The following ITGA8 variants were observed in gnomAD, a reference collection of about 807,000 sequenced individuals.
ITGA8 encodes integrin subunit alpha 8.
In ITGA8, 91 loss-of-function variants were observed where a neutral mutation model predicts 142.3. That is an observed-to-expected ratio of 0.64 (90% CI 0.54 to 0.76). The LOEUF (loss-of-function observed/expected upper bound fraction) is 0.76. Among genes scored for constraint, ITGA8 ranks in the 30% least tolerant of loss-of-function variants. The pLI is 0.00. For missense variants in ITGA8, 1,406 were observed against 1,327.7 expected, an observed-to-expected ratio of 1.06 and a Z score of -0.92; for synonymous variants, 505 against 485.2, an observed-to-expected ratio of 1.04 and a Z score of -0.54.
chr10:15,694,301 TATG>T (rs1236198269), intron 2 of ITGA8, among the ~76,000 whole-genome samples: 8 of 91,462 alleles, frequency 8.7e-5, no homozygotes, highest in African/African-American at 1.7e-4. Context: ...ATATCATATA[TATG>T]ATAATATATC....
intron 17 of ITGA8, among the ~76,000 whole-genome samples, chr10:15,607,245 G>T (rs1482106803): frequency 1.3e-5 from 2 of 152,158 alleles, no homozygotes. Flanking sequence ...CTTTAAATAA[G>T]ATAATTATAA....
At chr10:15,680,695 G>A (rs1019149293) in intron 4 of ITGA8, among the ~76,000 whole-genome samples, 2 of 151,296 alleles carry the variant, frequency 1.3e-5, no homozygotes, top group African/African-American at 4.9e-5. Flanking sequence ...TAAATTATTC[G>A]AAAGGGAAGA....
intron 25 of ITGA8, among the ~76,000 whole-genome samples, chr10:15,568,380 A>G (rs1476207703): frequency 1.3e-5 from 2 of 152,226 alleles, no homozygotes; most frequent in African/African-American, 4.8e-5. Context: ...TTAAACAGCC[A>G]CAGGTTACAG....
chr10:15,627,080 G>T (rs1479183595), intron 13 of ITGA8, among the ~76,000 whole-genome samples: 1 of 152,126 alleles, frequency 6.6e-6, no homozygotes, highest in Non-Finnish European at 1.5e-5. Context: ...CCAGGATTCA[G>T]CAGGGGGCTT....
chr10:15,686,772 G>C (rs1283101436), intron 3 of ITGA8, among the ~76,000 whole-genome samples: 1 of 152,108 alleles, frequency 6.6e-6, no homozygotes, highest in African/African-American at 2.4e-5. Context: ...ACGTATTTTA[G>C]AAAATGCAGG....
At chr10:15,647,588 G>C (rs1040201882) in intron 11 of ITGA8, among the ~76,000 whole-genome samples, 2 of 147,802 alleles carry the variant, frequency 1.4e-5, no homozygotes, top group East Asian at 4.1e-4. Context: ...TCAGCCTCCC[G>C]AGTAGCTGGG....
At chr10:15,707,951 T>G (rs1835290495) in intron 2 of ITGA8, among the ~76,000 whole-genome samples, 1 of 133,298 alleles carries the variant, frequency 7.5e-6, no homozygotes, top group Non-Finnish European at 1.6e-5. Context: ...AAAATAAATG[T>G]GCACACACCG....
chr10:15,657,343 G>A (rs1053563771), intron 10 of ITGA8, among the ~76,000 whole-genome samples: 6 of 151,990 alleles, frequency 3.9e-5, no homozygotes, highest in African/African-American at 9.7e-5. Context: ...TCAACTTCCC[G>A]CTCATCTCAG....
Position 15,648,101 on chromosome 10 carries a change from A to G in ITGA8, c.1002-1050T>C, listed in dbSNP as rs181655347. On this transcript the variant is annotated intron_variant, in intron 11 of 29. Coordinates refer to ENST00000378076, the MANE Select transcript of ITGA8 (RefSeq NM_003638.3). ...GGCAGGAAGAGGACTAGAATGGGAAACTTCACTATAAGCCTTCTAAGTGAT... is the reference window on the plus strand; with the variant it reads ...GGCAGGAAGAGGACTAGAATGGGAAGCTTCACTATAAGCCTTCTAAGTGAT... Among the ~76,000 whole-genome samples, 284 of 152,320 alleles carry G rather than the reference A, an allele frequency of 1.9e-3. 2 individuals carry two copies. The highest frequency in any genetic ancestry group is 5.7e-3 in the African/African-American group (239 of 41,574).
chr10:15,643,781 T>C (rs1005952126), intron 13 of ITGA8, among the ~76,000 whole-genome samples: 1 of 152,230 alleles, frequency 6.6e-6, no homozygotes, highest in African/African-American at 2.4e-5. Context: ...AAGTTTTATG[T>C]ACAATGCAGA....
intron 28 of ITGA8, among the ~76,000 whole-genome samples, chr10:15,523,526 C>T (rs966782624): frequency 3.9e-5 from 6 of 152,146 alleles, no homozygotes; most frequent in Non-Finnish European, 5.9e-5. Context: ...ATCACAAATT[C>T]GGAAAGTCCC....
intron 13 of ITGA8, among the ~76,000 whole-genome samples, chr10:15,628,185 A>G (rs1404994868): frequency 6.6e-6 from 1 of 151,944 alleles, no homozygotes; most frequent in African/African-American, 2.4e-5. Flanking sequence ...TGTTTAGCAT[A>G]TAATCAAGAA....
At chr10:15,539,236 T>C (rs78287295) in intron 27 of ITGA8, among the ~76,000 whole-genome samples, 1,819 of 152,218 alleles carry the variant, frequency 0.012, 27 homozygotes, top group African/African-American at 0.038. Flanking sequence ...AGAATTCTGA[T>C]TGAATGTCAC....
At chr10:15,594,731 G>T (rs1225645535) in intron 21 of ITGA8, among the ~76,000 whole-genome samples, 2 of 152,114 alleles carry the variant, frequency 1.3e-5, no homozygotes, top group Non-Finnish European at 2.9e-5. Flanking sequence ...GCAGTGAGCC[G>T]AGATTGTGCC....
At chr10:15,623,041 G>C (rs1833521762) in intron 13 of ITGA8, among the ~76,000 whole-genome samples, 1 of 152,200 alleles carries the variant, frequency 6.6e-6, no homozygotes, top group South Asian at 2.1e-4. Context: ...GCAGTTTGTT[G>C]ATATGTATGA....
intron 2 of ITGA8, among the ~76,000 whole-genome samples, chr10:15,697,518 G>A (rs1439268245): frequency 6.6e-6 from 1 of 152,146 alleles, no homozygotes; most frequent in Non-Finnish European, 1.5e-5. Flanking sequence ...ACAGGGCTGT[G>A]GTCTACAGTG....
intron 28 of ITGA8, among the ~76,000 whole-genome samples, chr10:15,526,670 A>G (rs567114459): frequency 6.6e-5 from 10 of 152,338 alleles, no homozygotes; most frequent in African/African-American, 2.4e-4. Flanking sequence ...TAGTCAATAA[A>G]CTATTTTAAT....
intron 27 of ITGA8, 127 bp from the exon 28 acceptor site, chr10:15,531,278 C>G: frequency 2.0e-6 from 1 of 497,444 alleles, no homozygotes; most frequent in East Asian, 3.5e-5. Flanking sequence ...TTTTAATTTT[C>G]TCTCTTTTAA....
intron 25 of ITGA8, 112 bp from the exon 26 acceptor site, chr10:15,558,314 T>G: frequency 8.0e-7 from 1 of 1,254,668 alleles, no homozygotes; most frequent in Non-Finnish European, 1.1e-6. Context: ...ATGATTCACA[T>G]GAGGATCCAG....
Sources: gnomAD v4.1 joint callset for allele counts (sites outside exome capture counted in the v4.1 genomes callset) on GRCh38, gnomAD v4.1.1 for gene constraint, MANE v1.5 for transcripts, NCBI Gene and HGNC (gene_info 2026-07-23, HGNC 2026-07-21) for gene names.